The following IGSF10 variants were observed in gnomAD, a reference collection of about 807,000 sequenced individuals.
IGSF10 encodes calvaria mechanical force protein 608.
IGSF10 carries 126 observed loss-of-function variants against 128.2 expected under a neutral mutation model. The ratio of observed to expected loss-of-function variants is 0.98; its 90% CI spans 0.85 to 1.14. IGSF10 has a LOEUF of 1.14. Ranked by LOEUF, IGSF10 falls within the 50% of genes most tolerant of loss-of-function variation. The probability of loss-of-function intolerance (pLI) is 0.00; values close to 1 mark genes in which losing one functional copy is unlikely to be tolerated. For missense variants in IGSF10, 3,295 were observed against 3,149.8 expected, an observed-to-expected ratio of 1.05 and a Z score of -1.10; for synonymous variants, 1,185 against 1,146.2, an observed-to-expected ratio of 1.03 and a Z score of -0.68.
At chr3:151,511,727 C>T in the IGSF10 span, among the ~76,000 whole-genome samples, 5 of 152,102 alleles carry the variant, frequency 3.3e-5, no homozygotes, top group South Asian at 2.1e-4. Context: ...AACCATCTCA[C>T]GTGCAGAGAC....
the IGSF10 span, among the ~76,000 whole-genome samples, chr3:151,519,761 T>C: frequency 5.3e-4 from 80 of 151,954 alleles, no homozygotes; most frequent in African/African-American, 1.9e-3. Flanking sequence ...GCTACTGTAC[T>C]GTGAATGATA....
intron 4 of IGSF10, among the ~76,000 whole-genome samples, chr3:151,454,356 T>C (rs781735333): frequency 6.6e-6 from 1 of 152,190 alleles, no homozygotes; most frequent in Non-Finnish European, 1.5e-5. Flanking sequence ...TGAATGATAT[T>C]GTGGTTATTT....
At position 151,447,173 on chromosome 3, in the gene IGSF10, A is replaced by G; in HGVS notation, c.2808T>C (p.Leu936=). 1 of 1,614,154 alleles carries G rather than the reference A, an allele frequency of 6.2e-7. No homozygotes were observed. ...TMIKDVNVKM[L]SSTTNKLLLE... is the part of the protein sequence containing the mutation. ...ATAATAGTTTGTTGGTGGTGCTACT[A>G]AGCATTTTGACATTGACATCTTTGA... is the stretch of plus-strand genomic sequence containing the variant. The change falls in exon 6 of 8, where the codon CTT becomes CTC. Residue 936 remains leucine, a synonymous_variant. Coordinates refer to ENST00000282466, the MANE Select transcript of IGSF10 (RefSeq NM_178822.5).
At chr3:151,432,941 CAAAAAA>C, downstream of IGSF10, 3 of 468,392 alleles carry the variant, frequency 6.4e-6, no homozygotes, top group Non-Finnish European at 7.2e-6. Flanking sequence ...CTACATCTCA[CAAAAAA>C]AAAAAAAGGT....
At chr3:151,442,588 C>G (rs896479872) in intron 7 of IGSF10, among the ~76,000 whole-genome samples, 1 of 134,118 alleles carries the variant, frequency 7.5e-6, no homozygotes, top group African/African-American at 2.9e-5. Context: ...AGGGTTTCAC[C>G]ATGTTGGCCG....
chr3:151,569,287 G>A, the IGSF10 span, among the ~76,000 whole-genome samples: 1 of 152,092 alleles, frequency 6.6e-6, no homozygotes, highest in African/African-American at 2.4e-5. Flanking sequence ...GGCCAGGCTG[G>A]TCTTGAACCC....
At chr3:151,508,503 ATTGT>A in the IGSF10 span, among the ~76,000 whole-genome samples, 5 of 152,096 alleles carry the variant, frequency 3.3e-5, no homozygotes, top group Non-Finnish European at 5.9e-5. Context: ...AGGTCTTTTG[ATTGT>A]TTGGGAAACT....
chr3:151,483,013 T>C, the IGSF10 span, among the ~76,000 whole-genome samples: 1 of 151,830 alleles, frequency 6.6e-6, no homozygotes, highest in East Asian at 1.9e-4. Flanking sequence ...CTGAGGAAAT[T>C]CATCAATAGT....
In IGSF10 at chr3:151,446,906, T is replaced by C. The variant is rs904917314; in HGVS notation, c.3075A>G (p.Pro1025=). The change falls in exon 6 of 8, where the codon CCA becomes CCG. Residue 1025 remains proline, a synonymous_variant. Coordinates refer to ENST00000282466, the MANE Select transcript of IGSF10 (RefSeq NM_178822.5). The part of the protein sequence containing the change: ...KIGGRGRIIS[P]YRTPVLRRHR... ...GCCGTCGCAGAACTGGAGTTCTATA[T>C]GGGCTGATAATCCGCCCCCTTCCGC... 1.4e-5 allele frequency: 23 copies of C among 1,614,172 alleles called. No individual in the cohort carries two copies. The highest frequency in any genetic ancestry group is 1.9e-5 in the Non-Finnish European group (23 of 1,180,008).
chr3:151,494,415 A>G, the IGSF10 span, among the ~76,000 whole-genome samples: 1 of 152,204 alleles, frequency 6.6e-6, no homozygotes, highest in Admixed American at 6.5e-5. Context: ...ATTCTGATGA[A>G]AATGTTAACT....
the IGSF10 span, among the ~76,000 whole-genome samples, chr3:151,605,666 G>T: frequency 6.6e-6 from 1 of 152,168 alleles, no homozygotes; most frequent in Non-Finnish European, 1.5e-5. Context: ...AACACTAAGG[G>T]TTAGACAGGC....
chr3:151,618,156 G>A, the IGSF10 span, among the ~76,000 whole-genome samples: 1 of 152,054 alleles, frequency 6.6e-6, no homozygotes, highest in Non-Finnish European at 1.5e-5. Context: ...AGACACAAGA[G>A]AGATGATCTC....
At chr3:151,603,031 A>G in the IGSF10 span, among the ~76,000 whole-genome samples, 3 of 152,338 alleles carry the variant, frequency 2.0e-5, no homozygotes, top group East Asian at 1.9e-4. Context: ...CTTTTTTAAA[A>G]CAAAAATCAA....
the IGSF10 span, among the ~76,000 whole-genome samples, chr3:151,536,713 T>G: frequency 6.6e-6 from 1 of 152,188 alleles, no homozygotes; most frequent in Admixed American, 6.5e-5. Flanking sequence ...AAAAAAGATT[T>G]TGTTTTCTCT....
At chr3:151,604,797 G>A in the IGSF10 span, among the ~76,000 whole-genome samples, 2 of 152,086 alleles carry the variant, frequency 1.3e-5, no homozygotes, top group Non-Finnish European at 2.9e-5. Context: ...TAAAGTCACT[G>A]TGAGCATTTA....
In IGSF10 at chr3:151,437,873, C is replaced by T. The variant is rs1403810652; in HGVS notation, c.6688G>A (p.Val2230Met). The T allele has an allele frequency of 2.5e-6, 4 of 1,614,024 alleles. No individual in the cohort carries two copies. Among genetic ancestry groups the T allele is most frequent in the Non-Finnish European group, 3.4e-6 (4 of 1,179,980 alleles). ...TTGATTAATGGAGGTTTAGAGACCA[C>T]ATCCAGTTTGTACATTTTGGTGTCA... Reference protein sequence around the residue: ...GDDTKMYKLDVVSKPPLINGL... With the variant: ...GDDTKMYKLDMVSKPPLINGL... Residue 2230 changes from valine (V) to methionine (M), a missense_variant, in exon 8 of 8, where the codon GTG (valine) becomes ATG (methionine). Physicochemically the swap from Val to Met is conservative, Grantham distance 21 (BLOSUM62 1). Transcript: ENST00000282466.
chr3:151,543,651 A>AC, the IGSF10 span, among the ~76,000 whole-genome samples: 2 of 152,188 alleles, frequency 1.3e-5, no homozygotes, highest in African/African-American at 4.8e-5. Context: ...GCACAGTGTC[A>AC]GCAGGGCAAT....
At chr3:151,519,261 C>T in the IGSF10 span, among the ~76,000 whole-genome samples, 3 of 151,662 alleles carry the variant, frequency 2.0e-5, no homozygotes, top group Non-Finnish European at 4.4e-5. Flanking sequence ...ATTCAGCCAC[C>T]CAGAGGCACA....
chr3:151,470,607 C>T, the IGSF10 span, among the ~76,000 whole-genome samples: 3,751 of 152,236 alleles, frequency 0.025, 103 homozygotes, highest in East Asian at 0.063. Context: ...TTACACTAAA[C>T]CTTTCACCTT....
Sources: allele counts gnomAD v4.1 joint callset (sites outside exome capture counted in the v4.1 genomes callset), GRCh38; gene constraint gnomAD v4.1.1; transcripts MANE v1.5; gene names NCBI Gene and HGNC (gene_info 2026-07-23, HGNC 2026-07-21).